The following UGGT2 variants were observed in gnomAD, a reference collection of about 807,000 sequenced individuals.
UGGT2 encodes UDP-glucose glycoprotein glucosyltransferase 2, also known as UDP-glucose:glycoprotein glucosyltransferase 2.
UGGT2 carries 180 observed loss-of-function variants against 192.1 expected under a neutral mutation model. The observed-to-expected ratio is 0.94, with a 90% CI of 0.83 to 1.06. UGGT2 has a LOEUF of 1.06. Among genes scored for constraint, UGGT2 ranks in the 50% least tolerant of loss-of-function variants. UGGT2 has a pLI of 0.00. For missense variants in UGGT2, 1,849 were observed against 1,795.7 expected, an observed-to-expected ratio of 1.03 and a Z score of -0.54; for synonymous variants, 580 against 591.0, an observed-to-expected ratio of 0.98 and a Z score of 0.27.
chr13:96,049,489 C>T lies in UGGT2; in HGVS notation c.158+3666G>A, dbSNP rs2053421510. Among the ~76,000 whole-genome samples the T allele has an allele frequency of 2.0e-5, 3 of 152,108 alleles. No individual in the cohort carries two copies. In the South Asian group the frequency reaches 6.2e-4, roughly 32 times the overall value. ...GGAAGTTCTGGCCAGGGCAATCAGG[C>T]AGGAGAAAGAAATAAAGGGTATTCA... On this transcript the variant is annotated intron_variant, in intron 1 of 38. Coordinates refer to ENST00000376747, the MANE Select transcript of UGGT2 (RefSeq NM_020121.4).
Position 96,014,599 on chromosome 13 carries a change from A to G in UGGT2, c.486-1118T>C, listed in dbSNP as rs368264614. On this transcript the variant is annotated intron_variant, in intron 4 of 38. Transcript: ENST00000376747. ...ACAGCTGAAGCATAAAGTAAATAGA[A>G]TCTTAACCCCAAATAGAATTTCACT... Among the ~76,000 whole-genome samples, 5 of 152,308 alleles carry G rather than the reference A, an allele frequency of 3.3e-5. No individual in the cohort carries two copies. The East Asian group carries it at 9.7e-4, about 29-fold the overall frequency.
chr13:95,906,354 T>C (rs561665368), intron 20 of UGGT2, among the ~76,000 whole-genome samples: 1 of 152,296 alleles, frequency 6.6e-6, no homozygotes, highest in Non-Finnish European at 1.5e-5. Flanking sequence ...TATGTGGCTA[T>C]GTATGTATTT....
chr13:95,931,573 T>G, intron 17 of UGGT2, among the ~76,000 whole-genome samples: 1 of 151,268 alleles, frequency 6.6e-6, no homozygotes, highest in Non-Finnish European at 1.5e-5. Context: ...GGGGGGAGGC[T>G]CAGGCATGGC....
At chr13:95,985,651 T>C (rs1185675619) in intron 9 of UGGT2, among the ~76,000 whole-genome samples, 2 of 152,164 alleles carry the variant, frequency 1.3e-5, no homozygotes, top group African/African-American at 2.4e-5. Flanking sequence ...TAACTCATAT[T>C]TTACTTGTTG....
intron 8 of UGGT2, chr13:95,989,658 A>T: frequency 3.3e-6 from 1 of 300,548 alleles, no homozygotes; most frequent in Admixed American, 3.7e-5. Flanking sequence ...CCTAGGAGTT[A>T]GGACTTTTAA....
At chr13:95,890,997 G>A (rs779329123) in intron 24 of UGGT2, 33 bp from the exon 25 acceptor site, 77 of 1,479,320 alleles carry the variant, frequency 5.2e-5, no homozygotes, top group Admixed American at 7.3e-5. Flanking sequence ...GAAAGATGAC[G>A]TGTTAAGTTT....
chr13:96,011,167 G>A (rs776136911), intron 5 of UGGT2, among the ~76,000 whole-genome samples: 14 of 152,062 alleles, frequency 9.2e-5, no homozygotes, highest in Non-Finnish European at 1.8e-4. Context: ...AAATCTGAAT[G>A]ACCTTGAGAT....
At position 96,053,347 on chromosome 13, in the gene UGGT2, G is replaced by C; in HGVS notation, c.-35C>G. 6.4e-7 allele frequency: 1 copy of C among 1,567,816 alleles called. No homozygotes were observed. ...AGAAAAGCGCGAGTCCCTCGGACCC[G>C]GTACCCACAGTCTGTGGCCGCCACG... On this transcript the variant is annotated 5_prime_UTR_variant, in exon 1 of 39. Coordinates refer to ENST00000376747, the MANE Select transcript of UGGT2 (RefSeq NM_020121.4).
intron 20 of UGGT2, among the ~76,000 whole-genome samples, chr13:95,918,522 C>T (rs188286396): frequency 1.6e-4 from 24 of 151,916 alleles, no homozygotes; most frequent in African/African-American, 5.6e-4. Flanking sequence ...CAAGAAACCA[C>T]GATCAGAGCT....
chr13:95,948,148 C>T, intron 13 of UGGT2, 67 bp from the exon 14 acceptor site: 1 of 1,314,694 alleles, frequency 7.6e-7, no homozygotes. Flanking sequence ...CAAGTTTAGA[C>T]TAATTTTTGT....
intron 38 of UGGT2, among the ~76,000 whole-genome samples, chr13:95,822,796 A>G (rs1885643398): frequency 1.3e-5 from 2 of 151,770 alleles, no homozygotes; most frequent in African/African-American, 4.8e-5. Flanking sequence ...TTTCAATTTC[A>G]TTTAGTTCTG....
intron 24 of UGGT2, among the ~76,000 whole-genome samples, chr13:95,892,398 AAC>A (rs2047827868): frequency 6.6e-6 from 1 of 152,176 alleles, no homozygotes; most frequent in South Asian, 2.1e-4. Flanking sequence ...TATTTAAGGT[AAC>A]AGATTTGTAC....
In UGGT2 at chr13:95,959,545, G is replaced by A. The variant is rs143801183; in HGVS notation, c.1336-10091C>T. Among the ~76,000 whole-genome samples, 481 of 152,212 alleles carry A rather than the reference G, an allele frequency of 3.2e-3. 3 individuals are homozygous for A. The highest frequency in any genetic ancestry group is 0.011 in the African/African-American group (459 of 41,518). ...TGTCCAGGGACGTGGGGATCACCCA[G>A]CACAATCCATTACCATTGGCATCTG... On this transcript the variant is annotated intron_variant, in intron 12 of 38. Coordinates refer to ENST00000376747, the MANE Select transcript of UGGT2 (RefSeq NM_020121.4).
At chr13:95,827,581 C>G (rs1021068095) in intron 38 of UGGT2, among the ~76,000 whole-genome samples, 2 of 152,106 alleles carry the variant, frequency 1.3e-5, no homozygotes, top group Non-Finnish European at 2.9e-5. Context: ...CCAGTTTAAG[C>G]CAGCCAGTTT....
chr13:95,929,982 G>A (rs947527686), intron 17 of UGGT2, among the ~76,000 whole-genome samples: 4 of 152,104 alleles, frequency 2.6e-5, no homozygotes, highest in Non-Finnish European at 5.9e-5. Context: ...ATTCTAAATG[G>A]TACGAGATGG....
chr13:96,016,843 G>A (rs1223293502), intron 4 of UGGT2, among the ~76,000 whole-genome samples: 1 of 152,186 alleles, frequency 6.6e-6, no homozygotes, highest in African/African-American at 2.4e-5. Context: ...TGCACCTTGT[G>A]CCTGGAAAAC....
chr13:95,962,551 TAA>T (rs1470447405), intron 12 of UGGT2, among the ~76,000 whole-genome samples: 2 of 151,954 alleles, frequency 1.3e-5, no homozygotes, highest in African/African-American at 4.8e-5. Context: ...CAATCAGTAA[TAA>T]AAAGTCTCCC....
At chr13:95,811,874 C>T (rs1364169227) in intron 38 of UGGT2, among the ~76,000 whole-genome samples, 1 of 151,004 alleles carries the variant, frequency 6.6e-6, no homozygotes, top group East Asian at 1.9e-4. Context: ...GGGAGTATGG[C>T]TAATAAAATA....
intron 7 of UGGT2, chr13:95,991,166 T>C (rs2051446149): frequency 5.4e-6 from 1 of 183,826 alleles, no homozygotes; most frequent in Non-Finnish European, 1.2e-5. Flanking sequence ...CTATTGTGAA[T>C]AGTGCTACAA....
Sources: allele counts gnomAD v4.1 joint callset (sites outside exome capture counted in the v4.1 genomes callset), GRCh38; gene constraint gnomAD v4.1.1; transcripts MANE v1.5; gene names NCBI Gene and HGNC (gene_info 2026-07-23, HGNC 2026-07-21).